BICDL1: variants seen among roughly 807,000 people sequenced by gnomAD.
BICDL1 encodes the protein BICD family-like cargo adapter 1.
In BICDL1, 20 loss-of-function variants were observed where a neutral mutation model predicts 76.8. That is an observed-to-expected ratio of 0.26 (90% confidence interval 0.18 to 0.38). The LOEUF (loss-of-function observed/expected upper bound fraction) is 0.38, where lower values mean the gene tolerates loss of function less well. Ranked by LOEUF, BICDL1 falls within the 10% of genes least tolerant of loss-of-function variation. BICDL1 has a pLI of 1.00. For missense variants in BICDL1, 700 were observed against 798.6 expected (o/e 0.88, Z 1.49); for synonymous variants, 383 against 337.1 (o/e 1.14, Z -1.49).
At chr12:120,064,267 C>T (rs750149158) in intron 3 of BICDL1, among the ~76,000 whole-genome samples, 33 of 152,020 alleles carry the variant, frequency 2.2e-4, no homozygotes, top group South Asian at 4.1e-4. Context: ...GAAAGGAAGA[C>T]GGAGGGGAAT....
Position 120,094,335 on chromosome 12 carries a change from C to G in BICDL1, c.*1174C>G, listed in dbSNP as rs1184981830. On this transcript the variant is annotated 3_prime_UTR_variant, in exon 10 of 10. Coordinates refer to ENST00000548673, the MANE Select transcript of BICDL1 (RefSeq NM_001367886.1). ...GAATGTACCTGTAGATGTGTACATA[C>G]CACAGTGCTGTAATTTTGTATGTAG... 6.6e-6 allele frequency: 3 copies of G among 455,910 alleles called. No homozygotes were observed. The highest frequency in any genetic ancestry group is 4.7e-5 in the Admixed American group (2 of 42,418). The allele number at this position is 455,910 out of a possible 1,614,324, so 28.2% of individuals were successfully genotyped here.
At chr12:120,049,963 G>A (rs1022712027) in intron 2 of BICDL1, among the ~76,000 whole-genome samples, 4 of 152,166 alleles carry the variant, frequency 2.6e-5, no homozygotes, top group Non-Finnish European at 5.9e-5. Context: ...GACATTCCCA[G>A]TATTTTGTGT....
chr12:120,007,360 C>T (rs1381993328), intron 2 of BICDL1, among the ~76,000 whole-genome samples: 3 of 152,122 alleles, frequency 2.0e-5, no homozygotes, highest in Non-Finnish European at 4.4e-5. Flanking sequence ...TCTCTCAGGA[C>T]CTGAGACTCT....
chr12:120,049,696 C>T (rs771247834), intron 2 of BICDL1, among the ~76,000 whole-genome samples: 1 of 152,140 alleles, frequency 6.6e-6, no homozygotes, highest in Non-Finnish European at 1.5e-5. Context: ...TTCACTCTGT[C>T]CTTTCTGGAA....
At chr12:120,032,171 C>T (rs1952437127) in intron 2 of BICDL1, among the ~76,000 whole-genome samples, 1 of 152,192 alleles carries the variant, frequency 6.6e-6, no homozygotes, top group Non-Finnish European at 1.5e-5. Flanking sequence ...TGTGTTAGAA[C>T]ATTCCATTCT....
Position 120,071,866 on chromosome 12 carries a change from C to T in BICDL1, c.1089+65C>T. 6.8e-7 allele frequency: 1 copy of T among 1,460,536 alleles called. No homozygotes were observed. Among genetic ancestry groups the T allele is most frequent in the Admixed American group, 2.6e-5 (1 of 38,302 alleles). The allele number at this position is 1,460,536 out of a possible 1,614,324, so 90.5% of individuals were successfully genotyped here. A position where few individuals can be genotyped will look rare whatever the true frequency, so the allele number is the denominator to read the frequency against. ...GGGTTGCTTAGGTCTCATCCTCCTCCCTAGTGCTCAGCTGCCATCCTGGCA... is the reference window on the plus strand; with the variant it reads ...GGGTTGCTTAGGTCTCATCCTCCTCTCTAGTGCTCAGCTGCCATCCTGGCA... On this transcript the variant is annotated intron_variant, in intron 5 of 9. Transcript: ENST00000548673. This position sits in a 1 kb window ranked among gnomAD's most constrained non-coding sequence, Gnocchi z 4.8.
rs1257042819 is a variant in BICDL1, at chr12:120,050,433, AT to A, written c.646-11270del. On this transcript the variant is annotated intron_variant, in intron 2 of 9. Transcript: ENST00000548673. ...AGGTGCCCGCCACCACGCCCAGCTA[AT>A]TTTTTTGTGTTTTTAGTAGAGACAG... 2.0e-5 allele frequency among the ~76,000 whole-genome samples: 3 copies of A among 150,196 alleles called. No individual in the cohort carries two copies. In the East Asian group the frequency reaches 6.0e-4, roughly 30 times the overall value.
At chr12:120,080,348 C>CT (rs761753252) in intron 7 of BICDL1, among the ~76,000 whole-genome samples, 69 of 152,182 alleles carry the variant, frequency 4.5e-4, no homozygotes, top group Non-Finnish European at 4.6e-4. Flanking sequence ...ACTTAGGTGT[C>CT]TAAGTTCCCT....
At position 120,091,664 on chromosome 12, in the gene BICDL1, G is replaced by A. The variant is rs554826531; in HGVS notation, c.1705-1336G>A. 2.3e-5 allele frequency: 23 copies of A among 985,202 alleles called. No individual in the cohort carries two copies. The African/African-American group carries it at 3.8e-4, about 16-fold the overall frequency. 61.0% of individuals were successfully genotyped at this position (985,202 alleles called of 1,614,324 possible). A position where few individuals can be genotyped will look rare whatever the true frequency, so the allele number is the denominator to read the frequency against. On this transcript the variant is annotated intron_variant, in intron 9 of 9. Coordinates refer to ENST00000548673, the MANE Select transcript of BICDL1 (RefSeq NM_001367886.1). Reference sequence around the variant, plus strand: ...AAGACAGGGTTGAGAGAATAGGGAGGCTGGAGAGCAGGCCCTGAGCCAGAG... The same window carrying A: ...AAGACAGGGTTGAGAGAATAGGGAGACTGGAGAGCAGGCCCTGAGCCAGAG...
chr12:120,046,814 T>C (rs1434507159), intron 2 of BICDL1, among the ~76,000 whole-genome samples: 1 of 152,174 alleles, frequency 6.6e-6, no homozygotes, highest in East Asian at 1.9e-4. Flanking sequence ...GTGTGGTGTA[T>C]TAGGAGTATC....
chr12:120,003,914 G>A (rs752585781), intron 2 of BICDL1, among the ~76,000 whole-genome samples: 3 of 152,144 alleles, frequency 2.0e-5, no homozygotes, highest in Admixed American at 6.5e-5. Flanking sequence ...TATCATTATG[G>A]CTTTCCTGTC....
rs1216722581 is a variant in BICDL1 at position 120,021,966 on chromosome 12, TAAAA to T, written c.645+23234_645+23237del. Among the ~76,000 whole-genome samples, 3 of 148,152 alleles carry T rather than the reference TAAAA, an allele frequency of 2.0e-5. No homozygotes were observed. The East Asian group carries it at 5.8e-4, about 29-fold the overall frequency. On this transcript the variant is annotated intron_variant, in intron 2 of 9. Coordinates refer to ENST00000548673, the MANE Select transcript of BICDL1 (RefSeq NM_001367886.1). The stretch of plus-strand genomic sequence containing the variant: ...AAAATAATAAAAATAAAATAAAATA[TAAAA>T]AAATAAATAAAAATATCATAGTAAA...
At chr12:120,092,327 C>A in intron 9 of BICDL1, 1 of 985,426 alleles carries the variant, frequency 1.0e-6, no homozygotes, top group Non-Finnish European at 1.2e-6. Context: ...GACGGTCCTA[C>A]CCCAGTGAGG....
intron 7 of BICDL1, among the ~76,000 whole-genome samples, chr12:120,075,304 C>T (rs952852270): frequency 1.3e-5 from 2 of 152,040 alleles, no homozygotes; most frequent in Non-Finnish European, 2.9e-5. Flanking sequence ...TTTCCTGGCT[C>T]AAAGCTGTTC....
intron 1 of BICDL1, among the ~76,000 whole-genome samples, chr12:119,998,217 TTAGA>T (rs1951691009): frequency 6.6e-6 from 1 of 152,182 alleles, no homozygotes; most frequent in Non-Finnish European, 1.5e-5. Context: ...CACCAATTGA[TTAGA>T]TGATTGGCAA....
At chr12:120,025,260 C>T (rs1179283066) in intron 2 of BICDL1, among the ~76,000 whole-genome samples, 1 of 151,790 alleles carries the variant, frequency 6.6e-6, no homozygotes, top group South Asian at 2.1e-4. Context: ...CCGTGTTAGC[C>T]AGGATGGTCT....
rs931192760 is a variant in BICDL1, at chr12:120,079,052, C to T, written c.1453-1835C>T. Among the ~76,000 whole-genome samples, 7 of 152,254 alleles carry T rather than the reference C, an allele frequency of 4.6e-5. No homozygotes were observed. Among genetic ancestry groups the T allele is most frequent in the African/African-American group, 1.4e-4 (6 of 41,462 alleles). ...TGTGTGTGCTGGGTAGCTGCAGGTG[C>T]TCCAGCCTGTTCTTCCCCGAGGCTT... On this transcript the variant is annotated intron_variant, in intron 7 of 9. Coordinates refer to ENST00000548673, the MANE Select transcript of BICDL1 (RefSeq NM_001367886.1). The surrounding 1 kb of genome is among the most constrained non-coding windows in gnomAD (Gnocchi z 4.3).
At position 120,079,964 on chromosome 12, in the gene BICDL1, G is replaced by A. The variant is rs145396025; in HGVS notation, c.1453-923G>A. 1.8e-4 allele frequency among the ~76,000 whole-genome samples: 28 copies of A among 152,366 alleles called. No homozygotes were observed. The highest frequency in any genetic ancestry group is 9.1e-4 in the Admixed American group (14 of 15,304). On this transcript the variant is annotated intron_variant, in intron 7 of 9. Transcript: ENST00000548673. This position sits in a 1 kb window ranked among gnomAD's most constrained non-coding sequence, Gnocchi z 4.3. ...TCCCTGTTGGCTTCTTTAGTTGGAG[G>A]TCAAGCCTTGTGTCACACCAAGTCT... is the stretch of plus-strand genomic sequence containing the variant.
At chr12:120,090,609 G>C in intron 9 of BICDL1, 1 of 351,008 alleles carries the variant, frequency 2.8e-6, no homozygotes, top group South Asian at 2.2e-5. Flanking sequence ...CTGGGCTGTG[G>C]CTGGCTGGGT....
Sources: allele counts gnomAD v4.1 joint callset (sites outside exome capture counted in the v4.1 genomes callset), GRCh38; gene constraint gnomAD v4.1.1; non-coding constraint Gnocchi (gnomAD v3.1); transcripts MANE v1.5; gene names NCBI Gene and HGNC (gene_info 2026-07-23, HGNC 2026-07-21).